Variants in ST8SIA4 observed in about 807,000 individuals in gnomAD.
The protein encoded by ST8SIA4 is CMP-N-acetylneuraminate-poly-alpha-2,8-sialyltransferase.
ST8SIA4 carries 15 observed loss-of-function variants against 33.9 expected under a neutral mutation model. That is an observed-to-expected ratio of 0.44 (90% CI 0.30 to 0.68). The LOEUF (loss-of-function observed/expected upper bound fraction) is 0.68, where lower values mean the gene tolerates loss of function less well. ST8SIA4 is among the 30% of genes least tolerant of loss of function. The pLI is 0.10. For synonymous variants in ST8SIA4, 171 were observed against 151.2 expected (o/e 1.13, Z -0.96); for missense variants, 321 against 428.0 (o/e 0.75, Z 2.21).
intron 3 of ST8SIA4, among the ~76,000 whole-genome samples, chr5:100,863,432 A>T (rs912439005): frequency 1.3e-5 from 2 of 152,178 alleles, no homozygotes; most frequent in Non-Finnish European, 2.9e-5. Context: ...ACTCTTTACA[A>T]TAAAACCAGT....
At chr5:100,825,882 G>C (rs1488702417) in intron 4 of ST8SIA4, among the ~76,000 whole-genome samples, 1 of 152,056 alleles carries the variant, frequency 6.6e-6, no homozygotes, top group Non-Finnish European at 1.5e-5. Flanking sequence ...ACACCAAATT[G>C]TCAGTAATGC....
chr5:100,871,463 G>A (rs1215180012), intron 3 of ST8SIA4, among the ~76,000 whole-genome samples: 1 of 151,876 alleles, frequency 6.6e-6, no homozygotes, highest in African/African-American at 2.4e-5. Context: ...TACATACTCA[G>A]ATTTTGTAGA....
intron 3 of ST8SIA4, among the ~76,000 whole-genome samples, chr5:100,864,574 C>CAAAAAA (rs201029430): frequency 2.9e-5 from 2 of 69,380 alleles, no homozygotes. Context: ...GACTCCGGCT[C>CAAAAAA]AAAAAAAAAA....
At chr5:100,861,618 C>A (rs1223337288) in intron 3 of ST8SIA4, among the ~76,000 whole-genome samples, 1 of 152,022 alleles carries the variant, frequency 6.6e-6, no homozygotes, top group African/African-American at 2.4e-5. Flanking sequence ...TAAATATATA[C>A]CTCATATTTA....
At chr5:100,839,277 C>T (rs1430289955) in intron 4 of ST8SIA4, among the ~76,000 whole-genome samples, 1 of 151,872 alleles carries the variant, frequency 6.6e-6, no homozygotes, top group African/African-American at 2.4e-5. Context: ...GAAAATATTT[C>T]AAATGTACAT....
intron 2 of ST8SIA4, among the ~76,000 whole-genome samples, chr5:100,891,538 A>T (rs1752665600): frequency 6.6e-6 from 1 of 152,060 alleles, no homozygotes; most frequent in Non-Finnish European, 1.5e-5. Context: ...TTAGTGTCAA[A>T]AAAAATCTTA....
intron 3 of ST8SIA4, among the ~76,000 whole-genome samples, chr5:100,856,899 G>A (rs557614760): frequency 6.6e-6 from 1 of 152,290 alleles, no homozygotes; most frequent in African/African-American, 2.4e-5. Context: ...GAGGTTAGGG[G>A]AAAAGTGCAA....
intron 4 of ST8SIA4, among the ~76,000 whole-genome samples, chr5:100,827,486 G>GA (rs1402862829): frequency 6.6e-6 from 1 of 152,146 alleles, no homozygotes; most frequent in East Asian, 1.9e-4. Context: ...CCATCCTGCT[G>GA]AAAAAACTCA....
chr5:100,817,311 A>G (rs1246246169), intron 4 of ST8SIA4, among the ~76,000 whole-genome samples: 2 of 151,868 alleles, frequency 1.3e-5, no homozygotes, highest in Non-Finnish European at 2.9e-5. Context: ...ACATATCTGC[A>G]CATTCTCAAC....
intron 3 of ST8SIA4, chr5:100,886,079 G>A (rs1289352337): frequency 1.1e-5 from 13 of 1,181,986 alleles, no homozygotes; most frequent in Non-Finnish European, 1.3e-5. Context: ...TAATAAAATT[G>A]CCATTTGCCT....
At chr5:100,895,160 T>C (rs566504666) in intron 2 of ST8SIA4, among the ~76,000 whole-genome samples, 1 of 152,120 alleles carries the variant, frequency 6.6e-6, no homozygotes, top group Admixed American at 6.5e-5. Context: ...CTAGAAAGCT[T>C]ATTTTCTGAT....
chr5:100,892,165 A>G (rs186735511), intron 2 of ST8SIA4, among the ~76,000 whole-genome samples: 4 of 152,206 alleles, frequency 2.6e-5, no homozygotes, highest in Non-Finnish European at 5.9e-5. Flanking sequence ...GTCAACATGT[A>G]AAAAACAATA....
At chr5:100,864,300 T>C (rs992142660) in intron 3 of ST8SIA4, among the ~76,000 whole-genome samples, 4 of 151,828 alleles carry the variant, frequency 2.6e-5, no homozygotes, top group East Asian at 1.9e-4. Flanking sequence ...GCGGGCCGGG[T>C]GCGGTGGCTC....
chr5:100,894,131 T>C (rs1003664302), intron 2 of ST8SIA4, among the ~76,000 whole-genome samples: 11 of 152,230 alleles, frequency 7.2e-5, no homozygotes, highest in African/African-American at 2.6e-4. Context: ...TCATGAAAGA[T>C]GTGAGCTCCA....
rs3836754 is a variant in ST8SIA4, at chr5:100,847,262, GT to G, written c.797+8840del. On this transcript the variant is annotated intron_variant, in intron 4 of 4. Coordinates refer to ENST00000231461, the MANE Select transcript of ST8SIA4 (RefSeq NM_005668.6). The stretch of plus-strand genomic sequence containing the variant: ...GAGTGAATATTCTCTTTTCAAAGTT[GT>G]TTTTTTAAAATTGCTTTTCCTTATG... 3.0e-3 allele frequency among the ~76,000 whole-genome samples: 457 copies of G among 152,028 alleles called. 18 individuals are homozygous for G. In the South Asian group the frequency reaches 0.075, roughly 25 times the overall value.
chr5:100,874,472 T>A (rs1752262622), intron 3 of ST8SIA4, among the ~76,000 whole-genome samples: 1 of 152,142 alleles, frequency 6.6e-6, no homozygotes, highest in African/African-American at 2.4e-5. Context: ...CAGCACAGCA[T>A]CAATTTGATT....
At position 100,809,449 on chromosome 5, in the gene ST8SIA4, C is replaced by CAAAAAAAAAAAAAA; in HGVS notation, c.*2384_*2397dup. 1 of 82,218 alleles carries CAAAAAAAAAAAAAA rather than the reference C, an allele frequency of 1.2e-5. No individual in the cohort carries two copies. The highest frequency in any genetic ancestry group is 3.7e-4 in the East Asian group (1 of 2,698). 5.1% of individuals were successfully genotyped at this position (82,218 alleles called of 1,614,324 possible). A position where few individuals can be genotyped will look rare whatever the true frequency, so the allele number is the denominator to read the frequency against. ...TGTGTGACAGAGTGAGACTCCATCT[C>CAAAAAAAAAAAAAA]AAAAAAAAAAAAAAAAGAAAAAAGA... On this transcript the variant is annotated 3_prime_UTR_variant, in exon 5 of 5. Coordinates refer to ENST00000231461, the MANE Select transcript of ST8SIA4 (RefSeq NM_005668.6).
At chr5:100,814,323 T>C in intron 4 of ST8SIA4, among the ~76,000 whole-genome samples, 1 of 151,990 alleles carries the variant, frequency 6.6e-6, no homozygotes, top group East Asian at 1.9e-4. Flanking sequence ...TTAAAAACTT[T>C]TTGTGGTCTT....
At chr5:100,883,172 C>T (rs1752463983) in intron 3 of ST8SIA4, among the ~76,000 whole-genome samples, 1 of 152,198 alleles carries the variant, frequency 6.6e-6, no homozygotes. Context: ...GCCACAGAGG[C>T]GGAGCTGCCC....
Sources: allele counts gnomAD v4.1 joint callset (sites outside exome capture counted in the v4.1 genomes callset), GRCh38; gene constraint gnomAD v4.1.1; transcripts MANE v1.5; gene names NCBI Gene and HGNC (gene_info 2026-07-23, HGNC 2026-07-21).